Variants in RSRC1 observed in about 807,000 individuals in gnomAD.
RSRC1 encodes arginine and serine rich coiled-coil 1.
In RSRC1, 39 loss-of-function variants were observed where a neutral mutation model predicts 49.1. That is an observed-to-expected ratio of 0.79 (90% CI 0.61 to 1.04). The LOEUF is 1.04. Ranked by LOEUF, RSRC1 falls within the 50% of genes least tolerant of loss-of-function variation. The pLI, the probability that RSRC1 is intolerant of heterozygous loss-of-function variation, is 0.00. For missense variants in RSRC1, 388 were observed against 402.4 expected, an observed-to-expected ratio of 0.96 and a Z score of 0.31; for synonymous variants, 143 against 130.8, an observed-to-expected ratio of 1.09 and a Z score of -0.63.
chr3:158,129,306 T>G (rs1240276041), intron 3 of RSRC1, among the ~76,000 whole-genome samples: 1 of 146,512 alleles, frequency 6.8e-6, no homozygotes, highest in Non-Finnish European at 1.5e-5. Flanking sequence ...TTTTTTTTTT[T>G]TTTTTGAGAC....
chr3:158,464,711 G>A (rs1737789950), intron 7 of RSRC1, among the ~76,000 whole-genome samples: 1 of 152,016 alleles, frequency 6.6e-6, no homozygotes, highest in Non-Finnish European at 1.5e-5. Flanking sequence ...ACTAGTAACT[G>A]AAAGGCAAGG....
chr3:158,158,920 C>T (rs1304832576), intron 3 of RSRC1, among the ~76,000 whole-genome samples: 2 of 139,822 alleles, frequency 1.4e-5, no homozygotes, highest in African/African-American at 5.4e-5. Flanking sequence ...GCCTTGGCAA[C>T]AGAGTGAGAC....
intron 4 of RSRC1, among the ~76,000 whole-genome samples, chr3:158,261,065 C>T (rs546335158): frequency 6.6e-6 from 1 of 152,146 alleles, no homozygotes; most frequent in Non-Finnish European, 1.5e-5. Context: ...TTCAAAGATG[C>T]ATTTTTGTGT....
At chr3:158,497,966 T>C (rs1739426469) in intron 7 of RSRC1, among the ~76,000 whole-genome samples, 1 of 152,210 alleles carries the variant, frequency 6.6e-6, no homozygotes, top group East Asian at 1.9e-4. Flanking sequence ...ATCCACTTGT[T>C]GATTGATGGG....
In RSRC1 at chr3:158,543,157, T is replaced by C. The variant is rs575545106; in HGVS notation, c.760-178T>C. 3.9e-5 allele frequency among the ~76,000 whole-genome samples: 6 copies of C among 152,182 alleles called. No homozygotes were observed. In the South Asian group the frequency reaches 1.2e-3, roughly 32 times the overall value. On this transcript the variant is annotated intron_variant, in intron 8 of 9. Transcript: ENST00000611884. ...ATAGTTATTCCTAAACAAACAAATA[T>C]AAAAATAAAATAACTGTATTTCTAA...
chr3:158,228,765 GTA>G (rs1175725138), intron 4 of RSRC1, among the ~76,000 whole-genome samples: 20 of 150,820 alleles, frequency 1.3e-4, no homozygotes, highest in African/African-American at 4.6e-4. Flanking sequence ...ATGTGTGTGT[GTA>G]TATATATATG....
chr3:158,285,466 T>C (rs2108086883), intron 4 of RSRC1, among the ~76,000 whole-genome samples: 1 of 152,352 alleles, frequency 6.6e-6, no homozygotes, highest in Non-Finnish European at 1.5e-5. Context: ...TGGCATTGAA[T>C]CTATAAATTT....
chr3:158,132,271 C>T (rs936010619), intron 3 of RSRC1: 7 of 201,050 alleles, frequency 3.5e-5, no homozygotes, highest in Non-Finnish European at 7.7e-5. Context: ...CAGGTATGTG[C>T]CACCCTACCC....
intron 4 of RSRC1, among the ~76,000 whole-genome samples, chr3:158,260,687 C>A (rs1355740632): frequency 6.6e-6 from 1 of 152,140 alleles, no homozygotes; most frequent in Non-Finnish European, 1.5e-5. Flanking sequence ...TTATTTAGGA[C>A]CCCAGGCTAC....
At chr3:158,451,850 C>T (rs1737060092) in intron 6 of RSRC1, among the ~76,000 whole-genome samples, 1 of 151,926 alleles carries the variant, frequency 6.6e-6, no homozygotes, top group East Asian at 1.9e-4. Flanking sequence ...GAGGAAGAAA[C>T]TTTAGAAAAT....
intron 4 of RSRC1, among the ~76,000 whole-genome samples, chr3:158,247,795 C>T (rs770384678): frequency 2.6e-5 from 4 of 152,076 alleles, no homozygotes; most frequent in Non-Finnish European, 4.4e-5. Context: ...GCGGCACTGA[C>T]CTATTGCCAT....
chr3:158,424,053 A>G (rs1338344120), intron 6 of RSRC1, among the ~76,000 whole-genome samples: 1 of 151,656 alleles, frequency 6.6e-6, no homozygotes, highest in Non-Finnish European at 1.5e-5. Context: ...TCCTAATTGA[A>G]TACCCTTTAT....
rs1254326374 is a variant in RSRC1, at chr3:158,123,870, A to G, written c.199A>G (p.Arg67Gly). Residue 67 changes from arginine (R) to glycine (G), a missense_variant, in exon 3 of 10, where the codon AGG becomes GGG. Physicochemically the swap from Arg to Gly is moderately radical, Grantham distance 125 (BLOSUM62 -2). Transcript: ENST00000611884. ...TTTGATTATATTTTATTTCAGACGC[A>G]GGCATCGATCAAGCAGTAGCTCTTC... Reference protein sequence around the residue: ...PRSHSYDRRRRHRSSSSSSYG... With the variant: ...PRSHSYDRRRGHRSSSSSSYG... 1 of 1,605,166 alleles carries G rather than the reference A, an allele frequency of 6.2e-7. No homozygotes were observed. Among genetic ancestry groups the G allele is most frequent in the Non-Finnish European group, 8.5e-7 (1 of 1,176,364 alleles).
At chr3:158,270,942 T>A (rs1725485128) in intron 4 of RSRC1, among the ~76,000 whole-genome samples, 1 of 152,128 alleles carries the variant, frequency 6.6e-6, no homozygotes, top group Non-Finnish European at 1.5e-5. Context: ...AAATGATTAG[T>A]CATACTGGAA....
intron 6 of RSRC1, among the ~76,000 whole-genome samples, chr3:158,445,467 T>A (rs947926408): frequency 2.6e-5 from 4 of 151,944 alleles, no homozygotes; most frequent in South Asian, 2.1e-4. Context: ...GAACACTTGT[T>A]CACAGGAAGG....
intron 6 of RSRC1, among the ~76,000 whole-genome samples, chr3:158,428,715 A>G (rs993555999): frequency 6.6e-6 from 1 of 151,876 alleles, no homozygotes; most frequent in African/African-American, 2.4e-5. Context: ...GAAAGCAAAA[A>G]TCTACATGTT....
At chr3:158,334,024 A>G (rs1459265060) in intron 5 of RSRC1, among the ~76,000 whole-genome samples, 2 of 152,228 alleles carry the variant, frequency 1.3e-5, no homozygotes, top group African/African-American at 2.4e-5. Flanking sequence ...CATTTATATA[A>G]TTGTTTAAAA....
At chr3:158,537,325 T>C (rs1259215315) in intron 8 of RSRC1, 127 bp downstream of exon 8, 8 of 539,116 alleles carry the variant, frequency 1.5e-5, no homozygotes, top group Non-Finnish European at 2.6e-5. Context: ...GTCAGCCATG[T>C]TGCTGAGAGA....
At chr3:158,392,830 A>G (rs1021854852) in intron 6 of RSRC1, among the ~76,000 whole-genome samples, 1 of 152,080 alleles carries the variant, frequency 6.6e-6, no homozygotes, top group Admixed American at 6.6e-5. Context: ...CCAAATGGAC[A>G]TAATAGACAC....
Sources: gnomAD v4.1 joint callset for allele counts (sites outside exome capture counted in the v4.1 genomes callset) on GRCh38, gnomAD v4.1.1 for gene constraint, MANE v1.5 for transcripts, NCBI Gene and HGNC (gene_info 2026-07-23, HGNC 2026-07-21) for gene names.